The following A2ML1 variants were observed in gnomAD, a reference collection of about 807,000 sequenced individuals.
The protein encoded by A2ML1 is alpha-2-macroglobulin-like protein 1.
In A2ML1, 161 loss-of-function variants were observed where a neutral mutation model predicts 181.9. The observed-to-expected ratio is 0.89, with a 90% CI of 0.78 to 1.01. The LOEUF (loss-of-function observed/expected upper bound fraction) is 1.01. Ranked by LOEUF, A2ML1 falls within the 50% of genes least tolerant of loss-of-function variation. The pLI is 0.00. For synonymous variants in A2ML1, 663 were observed against 666.8 expected, an observed-to-expected ratio of 0.99 and a Z score of 0.09; for missense variants, 1,670 against 1,768.1, an observed-to-expected ratio of 0.94 and a Z score of 1.00.
intron 7 of A2ML1, among the ~76,000 whole-genome samples, chr12:8,882,435 C>A (rs1944880648): frequency 6.6e-6 from 1 of 152,098 alleles, no homozygotes; most frequent in Admixed American, 6.5e-5. Flanking sequence ...CCTTAATAAG[C>A]AAAATATGTC....
intron 13 of A2ML1, 135 bp from the exon 14 acceptor site, chr12:8,845,942 C>T (rs948878403): frequency 7.4e-6 from 6 of 812,294 alleles, no homozygotes; most frequent in African/African-American, 6.8e-5. Flanking sequence ...ACAGTTATCA[C>T]AGGAGAAGAG....
In A2ML1 at chr12:8,847,628, T is replaced by C. The variant is rs1159169391; in HGVS notation, c.1763T>C (p.Leu588Pro). ...ELQLQAAPGS[L>P]CALRAVDESV... Reference sequence around the variant, plus strand: ...CAGCTGCAGGCAGCTCCCGGATCCCTGTGTGCGCTCCGGGCGGTGGATGAG... The same window carrying C: ...CAGCTGCAGGCAGCTCCCGGATCCCCGTGTGCGCTCCGGGCGGTGGATGAG... The change falls in exon 15 of 36, where the codon CTG (leucine) becomes CCG (proline). Residue 588 changes from leucine to proline, a missense_variant. Physicochemically the swap from Leu to Pro is moderately conservative, Grantham distance 98. Coordinates refer to ENST00000299698, the MANE Select transcript of A2ML1 (RefSeq NM_144670.6). 1.2e-6 allele frequency: 2 copies of C among 1,613,698 alleles called. No homozygotes were observed. The highest frequency in any genetic ancestry group is 2.2e-5 in the East Asian group (1 of 44,830).
At chr12:8,861,528 C>T (rs958241312) in intron 28 of A2ML1, among the ~76,000 whole-genome samples, 6 of 152,116 alleles carry the variant, frequency 3.9e-5, no homozygotes, top group South Asian at 2.1e-4. Flanking sequence ...TGCTCTGTTG[C>T]CCAGGCTGGA....
At chr12:8,847,084 A>C (rs1347415393) in intron 14 of A2ML1, among the ~76,000 whole-genome samples, 1 of 140,820 alleles carries the variant, frequency 7.1e-6, no homozygotes, top group African/African-American at 2.7e-5. Flanking sequence ...ACAAGTATGC[A>C]CCACCATGCC....
chr12:8,826,100 T>G (rs868709757), intron 3 of A2ML1, among the ~76,000 whole-genome samples: 3 of 152,200 alleles, frequency 2.0e-5, no homozygotes, highest in African/African-American at 7.2e-5. Context: ...AAAAATTTTA[T>G]GATTTTTTTT....
intron 3 of A2ML1, among the ~76,000 whole-genome samples, chr12:8,827,224 C>A (rs765052771): frequency 6.6e-6 from 1 of 152,100 alleles, no homozygotes; most frequent in Non-Finnish European, 1.5e-5. Context: ...CCTGTAATCC[C>A]AGCTACTGGG....
At chr12:8,841,021 A>AGGATGGAC (rs754296235) in intron 10 of A2ML1, among the ~76,000 whole-genome samples, 69 of 122,890 alleles carry the variant, frequency 5.6e-4, no homozygotes, top group Non-Finnish European at 9.9e-4. Context: ...GACGGAAGGA[A>AGGATGGAC]GGAAGGAAGG....
rs373348516 is a variant in A2ML1 at position 8,855,470 on chromosome 12, C to T, written c.2765-39C>T. On this transcript the variant is annotated intron_variant, in intron 22 of 35. Transcript: ENST00000299698. ...TGTCTTGAGAACCCCTGCCATTCCCCATCTTCTATTGTGTCACCTTTTTTT... is the reference window on the plus strand; with the variant it reads ...TGTCTTGAGAACCCCTGCCATTCCCTATCTTCTATTGTGTCACCTTTTTTT... 90 of 1,598,240 alleles carry T rather than the reference C, an allele frequency of 5.6e-5. No individual in the cohort carries two copies. In the African/African-American group the frequency reaches 1.1e-3, roughly 20 times the overall value.
At chr12:8,831,162 T>G (rs1315691147) in intron 4 of A2ML1, among the ~76,000 whole-genome samples, 2 of 152,068 alleles carry the variant, frequency 1.3e-5, no homozygotes, top group Non-Finnish European at 2.9e-5. Context: ...GGTCTCACCT[T>G]GTTGCGCAGG....
intron 32 of A2ML1, 71 bp downstream of exon 32, chr12:8,868,698 A>G: frequency 7.6e-7 from 1 of 1,313,104 alleles, no homozygotes; most frequent in Non-Finnish European, 1.1e-6. Context: ...AAAAACTGGT[A>G]AAATGGGCAT....
chr12:8,871,052 T>C lies in A2ML1; in HGVS notation c.4221+1849T>C, dbSNP rs181540260. Among the ~76,000 whole-genome samples the C allele has an allele frequency of 6.6e-4, 101 of 152,304 alleles. 1 individual carries two copies. Among genetic ancestry groups the C allele is most frequent in the South Asian group, 4.6e-3 (22 of 4,824 alleles). ...TTTTGATGAACTTACACTATAAGCG[T>C]CCCTCTAGGTACATGCCATCCCTCT... On this transcript the variant is annotated intron_variant, in intron 33 of 35. Coordinates refer to ENST00000299698, the MANE Select transcript of A2ML1 (RefSeq NM_144670.6).
At chr12:8,842,466 G>C (rs894471744) in intron 11 of A2ML1, among the ~76,000 whole-genome samples, 1 of 151,978 alleles carries the variant, frequency 6.6e-6, no homozygotes, top group Non-Finnish European at 1.5e-5. Flanking sequence ...TGATCCGCCC[G>C]CCTTGGCCTC....
chr12:8,849,846 C>T, intron 17 of A2ML1, 87 bp downstream of exon 17: 1 of 1,256,436 alleles, frequency 8.0e-7, no homozygotes, highest in East Asian at 2.3e-5. Flanking sequence ...TGTTCTTGCA[C>T]TGAGCCTCTA....
At chr12:8,853,848 G>C (rs1207828868) in intron 20 of A2ML1, among the ~76,000 whole-genome samples, 1 of 152,150 alleles carries the variant, frequency 6.6e-6, no homozygotes, top group Non-Finnish European at 1.5e-5. Context: ...ACAGAAGCGA[G>C]TCACTCAATC....
At position 8,863,887 on chromosome 12, in the gene A2ML1, A is replaced by G; in HGVS notation, c.3596A>G (p.Tyr1199Cys). 6.2e-7 allele frequency: 1 copy of G among 1,614,204 alleles called. No individual in the cohort carries two copies. The highest frequency in any genetic ancestry group is 8.5e-7 in the Non-Finnish European group (1 of 1,180,016). ...PAAVDVELTAYALLAQLTKPS... is the reference protein window; with the variant it reads ...PAAVDVELTACALLAQLTKPS... ...GCTGTAGATGTGGAACTCACAGCAT[A>G]TGCATTGTTGGCCCAGCTTACCAAG... is the stretch of plus-strand genomic sequence containing the variant. Residue 1199 changes from tyrosine (Y) to cysteine (C), a missense_variant, in exon 29 of 36, where the codon TAT (tyrosine) becomes TGT (cysteine). Physicochemically the swap from Tyr to Cys is radical, Grantham distance 194. Transcript: ENST00000299698.
intron 11 of A2ML1, among the ~76,000 whole-genome samples, chr12:8,841,801 T>C (rs1168265608): frequency 6.6e-6 from 1 of 152,216 alleles, no homozygotes; most frequent in Non-Finnish European, 1.5e-5. Flanking sequence ...ATCCTATCTA[T>C]ATATGAAGTT....
intron 8 of A2ML1, among the ~76,000 whole-genome samples, chr12:8,837,958 G>T (rs1851972680): frequency 6.8e-6 from 1 of 147,892 alleles, no homozygotes; most frequent in Non-Finnish European, 1.5e-5. Context: ...ATCTAGAAAA[G>T]AGCTAAACAG....
At chr12:8,828,405 G>A (rs1943000079) in intron 3 of A2ML1, among the ~76,000 whole-genome samples, 1 of 152,086 alleles carries the variant, frequency 6.6e-6, no homozygotes, top group Admixed American at 6.5e-5. Flanking sequence ...CAGGAGTACT[G>A]CCTGGATACT....
chr12:8,883,722 C>T (rs1203596802), intron 7 of A2ML1, among the ~76,000 whole-genome samples: 1 of 152,024 alleles, frequency 6.6e-6, no homozygotes, highest in East Asian at 1.9e-4. Flanking sequence ...AGGTGATCTG[C>T]CCACCTCGGC....
Sources: gnomAD v4.1 joint callset for allele counts (sites outside exome capture counted in the v4.1 genomes callset) on GRCh38, gnomAD v4.1.1 for gene constraint, MANE v1.5 for transcripts, NCBI Gene and HGNC (gene_info 2026-07-23, HGNC 2026-07-21) for gene names.